Variants in FOXK1 observed in about 807,000 individuals in gnomAD.
The protein encoded by FOXK1 is forkhead box K1.
In FOXK1, 19 loss-of-function variants were observed where a neutral mutation model predicts 51.9. The observed-to-expected ratio is 0.37, with a 90% CI of 0.26 to 0.54. The LOEUF is 0.54. FOXK1 is among the 20% of genes least tolerant of loss of function. The probability of loss-of-function intolerance (pLI) is 0.87; values close to 1 mark genes in which losing one functional copy is unlikely to be tolerated. For missense variants in FOXK1, 870 were observed against 1,032.7 expected (o/e 0.84, Z 2.16); for synonymous variants, 537 against 482.6 (o/e 1.11, Z -1.48).
At chr7:4,688,873 G>C (rs1460349742) in intron 1 of FOXK1, among the ~76,000 whole-genome samples, 4 of 152,042 alleles carry the variant, frequency 2.6e-5, no homozygotes, top group African/African-American at 9.7e-5. Flanking sequence ...CCTTCTAGGT[G>C]GTGGTGCACG....
intron 1 of FOXK1, among the ~76,000 whole-genome samples, chr7:4,695,768 C>G (rs866929793): frequency 3.9e-5 from 6 of 152,208 alleles, no homozygotes; most frequent in Middle Eastern, 3.4e-3. Flanking sequence ...GAAACCCCGT[C>G]TCTACTAAAA....
chr7:4,695,413 C>T (rs1359105874), intron 1 of FOXK1, among the ~76,000 whole-genome samples: 1 of 152,190 alleles, frequency 6.6e-6, no homozygotes, highest in African/African-American at 2.4e-5. Context: ...TCAGGGATGC[C>T]ATGGCGAGTC....
intron 1 of FOXK1, among the ~76,000 whole-genome samples, chr7:4,696,675 G>A (rs1239467886): frequency 6.6e-6 from 1 of 152,182 alleles, no homozygotes; most frequent in Admixed American, 6.5e-5. Flanking sequence ...ACACTTCCAG[G>A]TGTCATCTGC....
intron 1 of FOXK1, among the ~76,000 whole-genome samples, chr7:4,695,320 C>T (rs1019221500): frequency 1.3e-5 from 2 of 152,336 alleles, no homozygotes; most frequent in Admixed American, 1.3e-4. Context: ...CTAGAATATC[C>T]AGCTTCCTTT....
intron 1 of FOXK1, among the ~76,000 whole-genome samples, chr7:4,721,496 C>G (rs1421004965): frequency 1.3e-5 from 2 of 151,888 alleles, no homozygotes; most frequent in African/African-American, 4.8e-5. Context: ...TTTTCTGAAA[C>G]TTTGAGAATA....
intron 1 of FOXK1, among the ~76,000 whole-genome samples, chr7:4,732,794 G>A (rs1780495080): frequency 6.6e-6 from 1 of 152,216 alleles, no homozygotes; most frequent in African/African-American, 2.4e-5. Context: ...GACAGGGTCT[G>A]GCTCTACTGC....
At chr7:4,754,725 G>A (rs959392647) in intron 3 of FOXK1, 110 bp downstream of exon 3, 10 of 1,348,864 alleles carry the variant, frequency 7.4e-6, no homozygotes, top group East Asian at 2.5e-5. Flanking sequence ...TGCTCGAGGT[G>A]GTCTCAGCCC....
At chr7:4,728,730 G>GAAAAAAAAAAAAAAAA (rs67143977) in intron 1 of FOXK1, among the ~76,000 whole-genome samples, 6 of 103,878 alleles carry the variant, frequency 5.8e-5, no homozygotes, top group African/African-American at 7.0e-5. Context: ...GTCTCTTTTT[G>GAAAAAAAAAAAAAAAA]AAAAAAAAAA....
chr7:4,719,326 G>A lies in FOXK1; in HGVS notation c.561-21512G>A, dbSNP rs554667701. 3.6e-4 allele frequency among the ~76,000 whole-genome samples: 55 copies of A among 152,118 alleles called. 1 individual carries two copies. In the South Asian group the frequency reaches 0.011, roughly 29 times the overall value. On this transcript the variant is annotated intron_variant, in intron 1 of 8. Coordinates refer to ENST00000328914, the MANE Select transcript of FOXK1 (RefSeq NM_001037165.2). The stretch of plus-strand genomic sequence containing the variant: ...ATTTTAAAAAAAGATTCTTTTAATA[G>A]AGATGAGGTCTTGCTGTGTTGTCCA...
chr7:4,766,954 T>C lies in FOXK1; in HGVS notation c.*4490T>C, dbSNP rs769792255. On this transcript the variant is annotated 3_prime_UTR_variant, in exon 9 of 9. Coordinates refer to ENST00000328914, the MANE Select transcript of FOXK1 (RefSeq NM_001037165.2). The surrounding 1 kb of genome is among the most constrained non-coding windows in gnomAD (Gnocchi z 5.5). Reference sequence around the variant, plus strand: ...TTTTCCTTGGCTTTGAAATCAGTGTTTTTATGGAGACAAAGAACAGACCTC... The same window carrying C: ...TTTTCCTTGGCTTTGAAATCAGTGTCTTTATGGAGACAAAGAACAGACCTC... 1 of 152,196 alleles carries C rather than the reference T, an allele frequency of 6.6e-6. No homozygotes were observed. The highest frequency in any genetic ancestry group is 1.5e-5 in the Non-Finnish European group (1 of 68,062). The allele number at this position is 152,196 out of a possible 1,614,324, so 9.4% of individuals were successfully genotyped here. A position where few individuals can be genotyped will look rare whatever the true frequency, so the allele number is the denominator to read the frequency against.
chr7:4,706,577 A>T (rs1487358501), intron 1 of FOXK1, among the ~76,000 whole-genome samples: 2 of 152,172 alleles, frequency 1.3e-5, no homozygotes, highest in Non-Finnish European at 2.9e-5. Context: ...CCCTTCCTCA[A>T]TGTGGGCAGA....
intron 1 of FOXK1, among the ~76,000 whole-genome samples, chr7:4,697,739 G>T (rs1779971060): frequency 8.0e-6 from 1 of 124,648 alleles, no homozygotes; most frequent in African/African-American, 3.0e-5. Flanking sequence ...AGGAAAGATA[G>T]GCTGTGTGTG....
chr7:4,702,277 A>G (rs978744217), intron 1 of FOXK1, among the ~76,000 whole-genome samples: 7 of 151,012 alleles, frequency 4.6e-5, no homozygotes, highest in Non-Finnish European at 7.4e-5. Context: ...TTAACCCTAG[A>G]CCTCCCGCGT....
intron 1 of FOXK1, among the ~76,000 whole-genome samples, chr7:4,705,959 TGTATATATATATAC>T (rs1780085600): frequency 1.6e-5 from 2 of 125,288 alleles, no homozygotes; most frequent in Admixed American, 7.5e-5. Context: ...TATATATATA[TGTATATATATATAC>T]GTATATATAC....
chr7:4,697,030 C>T (rs1779962245), intron 1 of FOXK1, among the ~76,000 whole-genome samples: 2 of 152,156 alleles, frequency 1.3e-5, no homozygotes, highest in Non-Finnish European at 2.9e-5. Context: ...ATCATCCTGC[C>T]ACCGCACTCC....
intron 1 of FOXK1, among the ~76,000 whole-genome samples, chr7:4,732,850 C>A (rs1312816562): frequency 2.6e-5 from 4 of 152,228 alleles, no homozygotes. Context: ...ACGCCCCTTA[C>A]ACGTGTGCCT....
chr7:4,727,663 G>C (rs542099038), intron 1 of FOXK1, among the ~76,000 whole-genome samples: 10 of 152,340 alleles, frequency 6.6e-5, no homozygotes, highest in African/African-American at 2.4e-4. Flanking sequence ...TTAGGCTTCA[G>C]TGCTGAGGGC....
Position 4,702,752 on chromosome 7 carries a change from TC to T in FOXK1, c.560+19885del, listed in dbSNP as rs199648980. On this transcript the variant is annotated intron_variant, in intron 1 of 8. Coordinates refer to ENST00000328914, the MANE Select transcript of FOXK1 (RefSeq NM_001037165.2). Reference sequence around the variant, plus strand: ...TTTCCACTTCTCTGGAAAGACCGCTTCATAGGTTGGTGCCATCAGACATGCG... The same window carrying T: ...TTTCCACTTCTCTGGAAAGACCGCTTATAGGTTGGTGCCATCAGACATGCG... Among the ~76,000 whole-genome samples, 846 of 152,334 alleles carry T rather than the reference TC, an allele frequency of 5.6e-3. 10 individuals carry two copies. The highest frequency in any genetic ancestry group is 0.019 in the African/African-American group (801 of 41,576).
At chr7:4,701,620 C>CA (rs1780022112) in intron 1 of FOXK1, among the ~76,000 whole-genome samples, 1 of 152,214 alleles carries the variant, frequency 6.6e-6, no homozygotes, top group Non-Finnish European at 1.5e-5. Context: ...AGGCCAGGCG[C>CA]AGTGGCTCAC....
Sources: allele counts gnomAD v4.1 joint callset (sites outside exome capture counted in the v4.1 genomes callset), GRCh38; gene constraint gnomAD v4.1.1; non-coding constraint Gnocchi (gnomAD v3.1); transcripts MANE v1.5; gene names NCBI Gene and HGNC (gene_info 2026-07-23, HGNC 2026-07-21).